Variants in GHR observed in about 807,000 individuals in gnomAD.
GHR encodes GH receptor.
In GHR, 35 loss-of-function variants were observed where a neutral mutation model predicts 67.1. The ratio of observed to expected loss-of-function variants is 0.52; its 90% CI spans 0.40 to 0.69. The LOEUF (loss-of-function observed/expected upper bound fraction) is 0.69, where lower values mean the gene tolerates loss of function less well. GHR is among the 30% of genes least tolerant of loss of function. GHR has a pLI of 0.00. For missense variants in GHR, 792 were observed against 764.6 expected, an observed-to-expected ratio of 1.04 and a Z score of -0.42; for synonymous variants, 272 against 269.1, an observed-to-expected ratio of 1.01 and a Z score of -0.10.
chr5:42,701,621 C>T (rs1364795849), intron 6 of GHR, among the ~76,000 whole-genome samples: 1 of 152,094 alleles, frequency 6.6e-6, no homozygotes, highest in Non-Finnish European at 1.5e-5. Flanking sequence ...TCAAGAAAAA[C>T]AACTGACAGT....
intron 3 of GHR, among the ~76,000 whole-genome samples, chr5:42,686,674 A>G (rs925996470): frequency 2.0e-5 from 3 of 152,350 alleles, no homozygotes; most frequent in South Asian, 2.1e-4. Context: ...CATGGAATGT[A>G]TCTCAAAATA....
At chr5:42,440,755 T>C (rs1256793890) in intron 1 of GHR, among the ~76,000 whole-genome samples, 1 of 152,182 alleles carries the variant, frequency 6.6e-6, no homozygotes, top group Non-Finnish European at 1.5e-5. Context: ...AGGGTGATGA[T>C]GCTGAAGATT....
At chr5:42,663,848 A>G (rs1232681552) in intron 3 of GHR, among the ~76,000 whole-genome samples, 2 of 152,196 alleles carry the variant, frequency 1.3e-5, no homozygotes, top group Non-Finnish European at 2.9e-5. Context: ...AGAAAACCCC[A>G]TTGTCTCAGC....
intron 3 of GHR, among the ~76,000 whole-genome samples, chr5:42,669,375 C>G (rs1756158976): frequency 6.6e-6 from 1 of 152,152 alleles, no homozygotes; most frequent in Admixed American, 6.6e-5. Flanking sequence ...TAAATGGCCT[C>G]AACAAAATTA....
intron 3 of GHR, among the ~76,000 whole-genome samples, chr5:42,685,577 C>T (rs1482745834): frequency 6.6e-6 from 1 of 152,180 alleles, no homozygotes; most frequent in African/African-American, 2.4e-5. Context: ...AAAAGCGTTC[C>T]TATTTCTCCA....
intron 3 of GHR, among the ~76,000 whole-genome samples, chr5:42,659,639 A>C (rs950926699): frequency 1.2e-4 from 18 of 152,308 alleles, no homozygotes; most frequent in Middle Eastern, 6.8e-3. Context: ...TTCGATGGCC[A>C]AATAGGAACA....
intron 1 of GHR, among the ~76,000 whole-genome samples, chr5:42,527,012 T>C (rs910311402): frequency 4.7e-5 from 6 of 127,176 alleles, no homozygotes; most frequent in African/African-American, 1.8e-4. Flanking sequence ...AGAAAGAAGA[T>C]TCAGAGAAGC....
intron 1 of GHR, among the ~76,000 whole-genome samples, chr5:42,525,657 T>G (rs1261252015): frequency 6.6e-6 from 1 of 152,204 alleles, no homozygotes; most frequent in African/African-American, 2.4e-5. Context: ...GGTTTGGCTG[T>G]GTCCCCACCC....
chr5:42,513,592 G>T (rs990392264), intron 1 of GHR, among the ~76,000 whole-genome samples: 6 of 152,168 alleles, frequency 3.9e-5, no homozygotes, highest in African/African-American at 1.4e-4. Context: ...AGCCCAGCCT[G>T]ACCAACATGG....
intron 1 of GHR, among the ~76,000 whole-genome samples, chr5:42,427,234 G>A (rs755977912): frequency 1.3e-5 from 2 of 152,154 alleles, no homozygotes; most frequent in African/African-American, 2.4e-5. Context: ...AAAGACATAC[G>A]TGAGACTGTG....
chr5:42,565,466 C>A, intron 1 of GHR: 2 of 984,800 alleles, frequency 2.0e-6, no homozygotes, highest in Non-Finnish European at 1.2e-6. Flanking sequence ...TATGGCCTGT[C>A]CAGCTCAAGG....
intron 1 of GHR, among the ~76,000 whole-genome samples, chr5:42,517,332 G>A (rs962953754): frequency 2.0e-5 from 3 of 152,138 alleles, no homozygotes; most frequent in African/African-American, 7.2e-5. Context: ...AACGAAACAA[G>A]AGTGCTGAAT....
At position 42,670,878 on chromosome 5, in the gene GHR, A is replaced by ATATAT. The variant is rs565509422; in HGVS notation, c.137-18012_137-18011insTATAT. 7.0e-3 allele frequency among the ~76,000 whole-genome samples: 617 copies of ATATAT among 88,308 alleles called. 5 individuals are homozygous for ATATAT. The highest frequency in any genetic ancestry group is 0.02 in the African/African-American group (570 of 27,990). The allele number at this position is 88,308 out of a possible 152,430, so 57.9% of individuals were successfully genotyped here. ...AAAAGCAAAAATTAAAAAAAAAAAAAAAATATATATATATATATAGGCAAC... is the reference window on the plus strand; with the variant it reads ...AAAAGCAAAAATTAAAAAAAAAAAAATATATAAATATATATATATATATAGGCAAC... On this transcript the variant is annotated intron_variant, in intron 3 of 9. Transcript: ENST00000230882.
At chr5:42,543,454 G>A (rs1748603691) in intron 1 of GHR, among the ~76,000 whole-genome samples, 1 of 152,084 alleles carries the variant, frequency 6.6e-6, no homozygotes, top group African/African-American at 2.4e-5. Flanking sequence ...GTTTTCATGT[G>A]TGCTCACACA....
chr5:42,640,832 T>C (rs1435136412), intron 3 of GHR, among the ~76,000 whole-genome samples: 1 of 152,146 alleles, frequency 6.6e-6, no homozygotes, highest in African/African-American at 2.4e-5. Flanking sequence ...AACTTAATTT[T>C]GCGTCCTGAA....
intron 1 of GHR, among the ~76,000 whole-genome samples, chr5:42,442,389 A>G (rs1743617473): frequency 6.6e-6 from 1 of 152,148 alleles, no homozygotes; most frequent in Non-Finnish European, 1.5e-5. Flanking sequence ...ACACAGAAAA[A>G]CAGGTTCATC....
intron 3 of GHR, among the ~76,000 whole-genome samples, chr5:42,654,700 C>G (rs1755168502): frequency 6.6e-6 from 1 of 152,140 alleles, no homozygotes; most frequent in South Asian, 2.1e-4. Context: ...GAGTTTGACT[C>G]AGTAGCCTGA....
intron 4 of GHR, among the ~76,000 whole-genome samples, chr5:42,690,514 A>G (rs1000004818): frequency 8.5e-5 from 13 of 152,220 alleles, no homozygotes; most frequent in African/African-American, 3.1e-4. Context: ...TAATTATGAT[A>G]TAGAAATCCA....
chr5:42,454,004 G>A (rs530202116), intron 1 of GHR, among the ~76,000 whole-genome samples: 55 of 152,312 alleles, frequency 3.6e-4, no homozygotes, highest in African/African-American at 1.3e-3. Flanking sequence ...TTGATGTGGT[G>A]TTCTCCTCTT....
Sources: allele counts gnomAD v4.1 joint callset (sites outside exome capture counted in the v4.1 genomes callset), GRCh38; gene constraint gnomAD v4.1.1; transcripts MANE v1.5; gene names NCBI Gene and HGNC (gene_info 2026-07-23, HGNC 2026-07-21).